The following HACD3 variants were observed in gnomAD, a reference collection of about 807,000 sequenced individuals.
HACD3 encodes very-long-chain (3R)-3-hydroxyacyl-CoA dehydratase 3.
Under a neutral mutation model 55.2 loss-of-function variants are expected in HACD3, and 30 were observed. That is an observed-to-expected ratio of 0.54 (90% CI 0.41 to 0.74). HACD3 has a LOEUF of 0.74. Ranked by LOEUF, HACD3 falls within the 30% of genes least tolerant of loss-of-function variation. The pLI, the probability that HACD3 is intolerant of heterozygous loss-of-function variation, is 0.00. For synonymous variants in HACD3, 141 were observed against 151.7 expected (o/e 0.93, Z 0.52); for missense variants, 363 against 440.1 (o/e 0.82, Z 1.57).
intron 7 of HACD3, among the ~76,000 whole-genome samples, chr15:65,568,017 G>T (rs2072309693): frequency 6.6e-6 from 1 of 151,572 alleles, no homozygotes; most frequent in Admixed American, 6.6e-5. Flanking sequence ...CTGCCTCCTG[G>T]GTTCACGCAA....
At chr15:65,537,946 AAAAAAAAAAAAAATATAT>A (rs1181742021) in intron 1 of HACD3, among the ~76,000 whole-genome samples, 10 of 53,488 alleles carry the variant, frequency 1.9e-4, no homozygotes, top group African/African-American at 6.0e-4. Flanking sequence ...AAAAAAAAAA[AAAAAAAAAAAAAATATAT>A]ATATATATAT....
At chr15:65,557,128 A>G (rs1330651414) in intron 4 of HACD3, among the ~76,000 whole-genome samples, 1 of 152,250 alleles carries the variant, frequency 6.6e-6, no homozygotes, top group African/African-American at 2.4e-5. Flanking sequence ...CTAAGGTGAT[A>G]GATGTTGAGG....
intron 1 of HACD3, among the ~76,000 whole-genome samples, chr15:65,543,281 AC>A (rs1297409839): frequency 6.6e-6 from 1 of 152,154 alleles, no homozygotes; most frequent in African/African-American, 2.4e-5. Context: ...TATTCTAAGG[AC>A]AAAAAGAACT....
intron 1 of HACD3, chr15:65,550,788 C>T (rs555561673): frequency 6.6e-4 from 100 of 152,314 alleles, no homozygotes; most frequent in African/African-American, 2.3e-3. Context: ...ACACAGAAAG[C>T]TAAGCCCACA....
intron 1 of HACD3, among the ~76,000 whole-genome samples, chr15:65,532,682 A>G (rs2071914271): frequency 6.6e-6 from 1 of 152,044 alleles, no homozygotes; most frequent in Non-Finnish European, 1.5e-5. Context: ...GGGAAAAATA[A>G]ATCATTTTTC....
intron 2 of HACD3, 130 bp downstream of exon 2, chr15:65,551,848 G>C (rs1290535471): frequency 6.1e-6 from 6 of 978,230 alleles, no homozygotes; most frequent in African/African-American, 3.3e-5. Flanking sequence ...ATCCTCATGA[G>C]GTAAGCTAAA....
chr15:65,573,024 C>G (rs936129663), intron 10 of HACD3, among the ~76,000 whole-genome samples: 2 of 150,702 alleles, frequency 1.3e-5, no homozygotes, highest in Admixed American at 6.6e-5. Flanking sequence ...GTAGCATATT[C>G]CTCATCCAGA....
intron 1 of HACD3, among the ~76,000 whole-genome samples, chr15:65,549,426 GAAA>G (rs34149100): frequency 1.8e-5 from 2 of 111,060 alleles, no homozygotes; most frequent in Non-Finnish European, 3.5e-5. Flanking sequence ...TCTCTGCTGG[GAAA>G]AAAAAAAAAA....
At chr15:65,559,062 C>T (rs1480586986) in intron 5 of HACD3, among the ~76,000 whole-genome samples, 2 of 152,238 alleles carry the variant, frequency 1.3e-5, no homozygotes, top group Non-Finnish European at 2.9e-5. Flanking sequence ...TCCAAGGCTA[C>T]ACTCCTTCAG....
At chr15:65,536,393 A>G (rs2071955509) in intron 1 of HACD3, among the ~76,000 whole-genome samples, 1 of 152,144 alleles carries the variant, frequency 6.6e-6, no homozygotes. Context: ...CTCACTGGCC[A>G]TTCCTCCATC....
intron 9 of HACD3, 129 bp from the exon 10 acceptor site, chr15:65,572,106 G>C: frequency 8.3e-7 from 1 of 1,205,168 alleles, no homozygotes; most frequent in Non-Finnish European, 1.2e-6. Context: ...TGAGCTTTCT[G>C]TACAAAGGGA....
chr15:65,571,559 A>G lies in HACD3; in HGVS notation c.785A>G (p.Tyr262Cys), dbSNP rs747344244. 3 of 1,612,976 alleles carry G rather than the reference A, an allele frequency of 1.9e-6. No homozygotes were observed. The highest frequency in any genetic ancestry group is 1.7e-5 in the Admixed American group (1 of 59,980). ...TTTATTTTCAATAGGTACTCTTTCTACATGCTGACGTGCATTGACATGGAT... is the reference window on the plus strand; with the variant it reads ...TTTATTTTCAATAGGTACTCTTTCTGCATGCTGACGTGCATTGACATGGAT... The part of the protein sequence containing the change: ...SAIEIFRYSF[Y>C]MLTCIDMDWK... The change falls in exon 9 of 11, where the codon TAC becomes TGC. Residue 262 changes from tyrosine (Y) to cysteine (C), a missense_variant. Physicochemically the swap from Tyr to Cys is radical, Grantham distance 194 (BLOSUM62 -2). Transcript: ENST00000261875.
chr15:65,554,865 A>G (rs1239022833), intron 2 of HACD3, 22 bp from the exon 3 acceptor site: 6 of 1,581,588 alleles, frequency 3.8e-6, no homozygotes, highest in Non-Finnish European at 5.2e-6. Flanking sequence ...GTTTGCAGTA[A>G]CCCACATTTC....
rs546282462 is a variant in HACD3, at chr15:65,542,770, G to T, written c.88-8906G>T. Among the ~76,000 whole-genome samples the T allele has an allele frequency of 2.4e-4, 36 of 152,080 alleles. No individual in the cohort carries two copies. The East Asian group carries it at 3.9e-3, about 16-fold the overall frequency. On this transcript the variant is annotated intron_variant, in intron 1 of 10. Coordinates refer to ENST00000261875, the MANE Select transcript of HACD3 (RefSeq NM_016395.4). Reference sequence around the variant, plus strand: ...AATGGGAATGTTTTACATATTCAAAGATAAAATTGTCTTAAAAAAAACAGG... The same window carrying T: ...AATGGGAATGTTTTACATATTCAAATATAAAATTGTCTTAAAAAAAACAGG...
At chr15:65,541,866 G>GA (rs201788642) in intron 1 of HACD3, among the ~76,000 whole-genome samples, 7 of 149,986 alleles carry the variant, frequency 4.7e-5, no homozygotes, top group East Asian at 3.9e-4. Flanking sequence ...TTATTTAGGT[G>GA]AAAAAAAAAG....
chr15:65,536,713 G>A (rs550029129), intron 1 of HACD3, among the ~76,000 whole-genome samples: 106 of 152,242 alleles, frequency 7.0e-4, no homozygotes, highest in African/African-American at 2.5e-3. Context: ...CTGAGATCAC[G>A]CCACCGCACT....
At chr15:65,572,092 G>C (rs1028536430) in intron 9 of HACD3, 143 bp from the exon 10 acceptor site, 2 of 1,018,950 alleles carry the variant, frequency 2.0e-6, no homozygotes, top group African/African-American at 3.2e-5. Context: ...AAAAAGGAGA[G>C]GCATGAGCTT....
intron 4 of HACD3, among the ~76,000 whole-genome samples, 173 bp downstream of exon 4, chr15:65,557,076 T>G (rs2072199206): frequency 6.6e-6 from 1 of 152,366 alleles, no homozygotes; most frequent in East Asian, 1.9e-4. Context: ...TTATAGACTT[T>G]CCTTCGGTTG....
chr15:65,550,229 A>G (rs2072118959), intron 1 of HACD3, among the ~76,000 whole-genome samples: 1 of 152,194 alleles, frequency 6.6e-6, no homozygotes, highest in African/African-American at 2.4e-5. Flanking sequence ...CTCTGCAAAA[A>G]TACAAAAATT....
Sources: allele counts gnomAD v4.1 joint callset (sites outside exome capture counted in the v4.1 genomes callset), GRCh38; gene constraint gnomAD v4.1.1; transcripts MANE v1.5; gene names NCBI Gene and HGNC (gene_info 2026-07-23, HGNC 2026-07-21).